CDH12: variants seen among roughly 807,000 people sequenced by gnomAD.
CDH12 encodes the protein cadherin 12.
A neutral mutation model predicts 74.1 loss-of-function variants in CDH12; 41 were observed. That is an observed-to-expected ratio of 0.55 (90% CI 0.43 to 0.72). CDH12 has a LOEUF of 0.72. CDH12 is among the 30% of genes least tolerant of loss of function. CDH12 has a pLI of 0.00. For missense variants in CDH12, 945 were observed against 977.2 expected (o/e 0.97, Z 0.44); for synonymous variants, 399 against 355.0 (o/e 1.12, Z -1.39).
chr5:22,474,805 T>A (rs1580687115), intron 2 of CDH12, among the ~76,000 whole-genome samples: 1 of 151,988 alleles, frequency 6.6e-6, no homozygotes, highest in South Asian at 2.1e-4. Context: ...TAGAAAGCTG[T>A]CCCCAAAGCA....
At chr5:22,305,641 A>G (rs1475303237) in intron 3 of CDH12, among the ~76,000 whole-genome samples, 1 of 152,002 alleles carries the variant, frequency 6.6e-6, no homozygotes, top group African/African-American at 2.4e-5. Flanking sequence ...ACCTTGGGAG[A>G]CCTGTGAGCC....
chr5:22,523,181 T>C (rs1022609366), intron 1 of CDH12, among the ~76,000 whole-genome samples: 2 of 152,208 alleles, frequency 1.3e-5, no homozygotes, highest in Admixed American at 1.3e-4. Context: ...TAGAATTCTT[T>C]TATTTTCCGT....
intron 3 of CDH12, among the ~76,000 whole-genome samples, chr5:22,280,442 T>A (rs887820133): frequency 2.6e-4 from 40 of 152,242 alleles, no homozygotes; most frequent in African/African-American, 9.6e-4. Context: ...GAGCTGGTTT[T>A]TTGAAAAGAT....
intron 2 of CDH12, among the ~76,000 whole-genome samples, chr5:22,426,831 G>A (rs1056187235): frequency 6.6e-6 from 1 of 152,136 alleles, no homozygotes; most frequent in Admixed American, 6.5e-5. Flanking sequence ...AAGCCACACT[G>A]TAAGACTTTG....
chr5:22,135,197 T>A (rs1746385989), intron 4 of CDH12, among the ~76,000 whole-genome samples: 2 of 124,378 alleles, frequency 1.6e-5, no homozygotes, highest in Admixed American at 1.9e-4. Context: ...TTAAAGAGGC[T>A]GAACACATAA....
In CDH12 at chr5:21,765,072, T is replaced by C; in HGVS notation, c.1421A>G (p.Asn474Ser). The C allele has an allele frequency of 1.9e-6, 3 of 1,598,204 alleles. No individual in the cohort carries two copies. Among genetic ancestry groups the C allele is most frequent in the Non-Finnish European group, 1.7e-6 (2 of 1,173,084 alleles). ...VSNPLLTSKV[N>S]ILINVLDVNE... ...TACATCTAAGACATTAATCAGTATATTGACTTTGCTGGTCAATAAAGGGTT... is the reference window on the plus strand; with the variant it reads ...TACATCTAAGACATTAATCAGTATACTGACTTTGCTGGTCAATAAAGGGTT... Residue 474 changes from asparagine to serine, a missense_variant, in exon 12 of 15, where the codon AAT becomes AGT. Asn to Ser is a conservative substitution (Grantham distance 46). Coordinates refer to ENST00000382254, the MANE Select transcript of CDH12 (RefSeq NM_004061.5).
chr5:22,186,355 C>G (rs910625602), intron 4 of CDH12, among the ~76,000 whole-genome samples: 2 of 152,216 alleles, frequency 1.3e-5, no homozygotes, highest in African/African-American at 4.8e-5. Context: ...AAATTAATAT[C>G]TAACCATATA....
intron 1 of CDH12, among the ~76,000 whole-genome samples, chr5:22,745,516 C>T (rs574195269): frequency 6.6e-6 from 1 of 152,096 alleles, no homozygotes; most frequent in Non-Finnish European, 1.5e-5. Context: ...CTAAGTCAAC[C>T]TAAAAGCCCA....
chr5:22,530,447 G>T (rs933779390), intron 1 of CDH12, among the ~76,000 whole-genome samples: 2 of 152,056 alleles, frequency 1.3e-5, no homozygotes, highest in African/African-American at 4.8e-5. Flanking sequence ...TTTGCTAAAT[G>T]AATAGAAGTA....
chr5:22,489,258 C>T (rs1021681063), intron 2 of CDH12, among the ~76,000 whole-genome samples: 21 of 149,368 alleles, frequency 1.4e-4, no homozygotes, highest in African/African-American at 4.9e-4. Context: ...GGGGTTTCAC[C>T]GTGTTAGCCA....
chr5:22,367,368 T>G (rs541548075), intron 3 of CDH12, among the ~76,000 whole-genome samples: 1 of 152,236 alleles, frequency 6.6e-6, no homozygotes, highest in Non-Finnish European at 1.5e-5. Flanking sequence ...TAGTGATGTC[T>G]GCATGAGATT....
chr5:21,816,586 C>G (rs1748052155), intron 9 of CDH12, among the ~76,000 whole-genome samples: 1 of 124,550 alleles, frequency 8.0e-6, no homozygotes, highest in Non-Finnish European at 1.6e-5. Flanking sequence ...CATCTCACCA[C>G]TGCACTCCAG....
At chr5:22,737,238 C>A (rs1435785305) in intron 1 of CDH12, among the ~76,000 whole-genome samples, 5 of 151,756 alleles carry the variant, frequency 3.3e-5, no homozygotes, top group Non-Finnish European at 2.9e-5. Flanking sequence ...TTCTTTGAAT[C>A]TTTTGATTCC....
At chr5:21,780,800 G>A (rs548443304) in intron 11 of CDH12, among the ~76,000 whole-genome samples, 7 of 152,196 alleles carry the variant, frequency 4.6e-5, no homozygotes, top group South Asian at 2.1e-4. Flanking sequence ...CTTATAAAAC[G>A]AAAGTGGATT....
chr5:21,890,113 T>C (rs573725175), intron 6 of CDH12, among the ~76,000 whole-genome samples: 1 of 152,312 alleles, frequency 6.6e-6, no homozygotes, highest in African/African-American at 2.4e-5. Flanking sequence ...TTGCAAAGTG[T>C]AGTAAATACA....
chr5:21,866,829 C>A (rs1413957976), intron 6 of CDH12, among the ~76,000 whole-genome samples: 1 of 152,070 alleles, frequency 6.6e-6, no homozygotes, highest in East Asian at 1.9e-4. Flanking sequence ...ATGTCAGAGA[C>A]CTTTGTGGAA....
At chr5:21,901,792 C>T (rs940332478) in intron 6 of CDH12, among the ~76,000 whole-genome samples, 6 of 152,126 alleles carry the variant, frequency 3.9e-5, no homozygotes, top group Admixed American at 2.0e-4. Flanking sequence ...CAAACAACAT[C>T]ATCATCCAGC....
intron 1 of CDH12, among the ~76,000 whole-genome samples, chr5:22,640,509 G>C (rs1739089720): frequency 6.6e-6 from 1 of 151,922 alleles, no homozygotes; most frequent in Non-Finnish European, 1.5e-5. Flanking sequence ...ATAATTATTT[G>C]ATCATGATAT....
rs186070438 is a variant in CDH12 at position 22,552,589 on chromosome 5, C to T, written c.-522-47225G>A. Among the ~76,000 whole-genome samples, 24 of 152,014 alleles carry T rather than the reference C, an allele frequency of 1.6e-4. No individual in the cohort carries two copies. In the South Asian group the frequency reaches 2.3e-3, roughly 14 times the overall value. ...AACTACAGGCACCAGCCACCACACC[C>T]GGCTAATTTTTGTATTTTTAATAGA... On this transcript the variant is annotated intron_variant, in intron 1 of 14. Transcript: ENST00000382254.
Sources: allele counts gnomAD v4.1 joint callset (sites outside exome capture counted in the v4.1 genomes callset), GRCh38; gene constraint gnomAD v4.1.1; transcripts MANE v1.5; gene names NCBI Gene and HGNC (gene_info 2026-07-23, HGNC 2026-07-21).